The following MALRD1 variants were observed in gnomAD, a reference collection of about 807,000 sequenced individuals.
The protein encoded by MALRD1 is MAM and LDL receptor class A domain containing 1.
Under a neutral mutation model 242.1 loss-of-function variants are expected in MALRD1, and 247 were observed. The ratio of observed to expected loss-of-function variants is 1.02; its 90% CI spans 0.92 to 1.13. MALRD1 has a LOEUF of 1.13. MALRD1 is among the 50% of genes most tolerant of loss of function. The pLI is 0.00. For missense variants in MALRD1, 2,989 were observed against 2,533.1 expected (o/e 1.18, Z -3.86); for synonymous variants, 995 against 866.6 (o/e 1.15, Z -2.60).
chr10:19,103,183 A>C (rs1246365911), intron 4 of MALRD1, among the ~76,000 whole-genome samples: 1 of 152,126 alleles, frequency 6.6e-6, no homozygotes, highest in East Asian at 1.9e-4. Flanking sequence ...TCACAGAACA[A>C]TCATTTCCAG....
intron 33 of MALRD1, among the ~76,000 whole-genome samples, chr10:19,587,552 C>T (rs1837500901): frequency 1.3e-5 from 2 of 152,168 alleles, no homozygotes; most frequent in African/African-American, 2.4e-5. Context: ...AATTCTTGAG[C>T]ACATTTCATT....
At position 19,133,969 on chromosome 10, in the gene MALRD1, G is replaced by A. The variant is rs1833221354; in HGVS notation, c.1203+21G>A. The A allele has an allele frequency of 4.6e-6, 5 of 1,082,254 alleles. No homozygotes were observed. The Admixed American group carries it at 1.3e-4, about 28-fold the overall frequency. 67.0% of individuals were successfully genotyped at this position (1,082,254 alleles called of 1,614,324 possible). ...TTAAGGTATGAAAGAAAAAAAAAAA[G>A]TATTTTTTTATCATGGTTTAAGTTT... is the stretch of plus-strand genomic sequence containing the variant. On this transcript the variant is annotated intron_variant, in intron 9 of 39. Coordinates refer to ENST00000454679, the MANE Select transcript of MALRD1 (RefSeq NM_001142308.3).
chr10:19,160,799 G>A (rs1474681980), intron 12 of MALRD1, among the ~76,000 whole-genome samples: 6 of 106,640 alleles, frequency 5.6e-5, no homozygotes, highest in Admixed American at 1.1e-4. Flanking sequence ...CTGTGGGATC[G>A]GTGGTGATAT....
At chr10:19,449,684 A>AG (rs1231975538) in intron 28 of MALRD1, among the ~76,000 whole-genome samples, 1 of 152,164 alleles carries the variant, frequency 6.6e-6, no homozygotes, top group Non-Finnish European at 1.5e-5. Flanking sequence ...TGAAGAACAA[A>AG]GAGAAGATTG....
intron 24 of MALRD1, among the ~76,000 whole-genome samples, chr10:19,337,342 A>G (rs1843659404): frequency 6.6e-6 from 1 of 152,176 alleles, no homozygotes; most frequent in South Asian, 2.1e-4. Context: ...ATTAAGTAGC[A>G]CAGTAAGGAC....
chr10:19,351,633 T>C (rs1445399889), intron 25 of MALRD1, among the ~76,000 whole-genome samples: 3 of 152,222 alleles, frequency 2.0e-5, no homozygotes, highest in Non-Finnish European at 2.9e-5. Flanking sequence ...TGTTATTTCT[T>C]AATCATGAAA....
intron 5 of MALRD1, among the ~76,000 whole-genome samples, chr10:19,111,879 A>G (rs1257667881): frequency 6.6e-6 from 1 of 152,208 alleles, no homozygotes; most frequent in Non-Finnish European, 1.5e-5. Flanking sequence ...ATGAAGATTA[A>G]TAATAGAGGA....
chr10:19,379,003 C>CT (rs1035936919), intron 26 of MALRD1, among the ~76,000 whole-genome samples: 3 of 151,870 alleles, frequency 2.0e-5, no homozygotes, highest in Middle Eastern at 3.4e-3. Context: ...GGCTGTTCAC[C>CT]TTTTTTTTCC....
chr10:19,622,727 T>C (rs12254837), intron 36 of MALRD1, among the ~76,000 whole-genome samples: 2,101 of 151,266 alleles, frequency 0.014, 46 homozygotes, highest in African/African-American at 0.047. Context: ...GCTTTGTAGC[T>C]CAGTAGTACT....
chr10:19,653,047 C>G (rs987991620), intron 36 of MALRD1, among the ~76,000 whole-genome samples: 3 of 152,084 alleles, frequency 2.0e-5, no homozygotes, highest in African/African-American at 7.2e-5. Context: ...GTATCTGCCT[C>G]TCTTATTCAG....
At chr10:19,701,184 A>G (rs1322854502) in intron 38 of MALRD1, among the ~76,000 whole-genome samples, 1 of 152,030 alleles carries the variant, frequency 6.6e-6, no homozygotes, top group Non-Finnish European at 1.5e-5. Flanking sequence ...AAAAGAGAGA[A>G]AGAGAGAGAG....
At chr10:19,647,411 A>G (rs553772117) in intron 36 of MALRD1, among the ~76,000 whole-genome samples, 3 of 152,332 alleles carry the variant, frequency 2.0e-5, no homozygotes, top group Non-Finnish European at 2.9e-5. Flanking sequence ...TTGGGAGTAC[A>G]TAGCAAGTAG....
chr10:19,566,737 A>G (rs1160534751), intron 32 of MALRD1, among the ~76,000 whole-genome samples: 2 of 151,684 alleles, frequency 1.3e-5, no homozygotes, highest in East Asian at 3.9e-4. Flanking sequence ...ATATTACCAA[A>G]TTATATATAA....
intron 4 of MALRD1, among the ~76,000 whole-genome samples, chr10:19,096,822 C>G (rs191690140): frequency 9.0e-4 from 137 of 152,272 alleles, no homozygotes; most frequent in African/African-American, 3.2e-3. Flanking sequence ...TCCAAATAGG[C>G]GATTTCGGTC....
chr10:19,257,826 C>T, intron 19 of MALRD1, 55 bp downstream of exon 19: 1 of 1,194,088 alleles, frequency 8.4e-7, no homozygotes, highest in Admixed American at 2.8e-5. Context: ...ACTTGGAAAA[C>T]TTGCAAGGAA....
upstream of MALRD1, among the ~76,000 whole-genome samples, chr10:19,048,388 A>T (rs1834392176): frequency 6.6e-6 from 1 of 152,218 alleles, no homozygotes; most frequent in South Asian, 2.1e-4. Flanking sequence ...AAGAAGACAA[A>T]AACAAGCAAG....
At chr10:19,317,042 T>C (rs1012665394) in intron 21 of MALRD1, among the ~76,000 whole-genome samples, 4 of 151,254 alleles carry the variant, frequency 2.6e-5, no homozygotes, top group Admixed American at 1.3e-4. Context: ...TACACACACC[T>C]ACTAGATACA....
intron 38 of MALRD1, among the ~76,000 whole-genome samples, chr10:19,719,235 T>C (rs1380440441): frequency 7.7e-4 from 89 of 116,198 alleles, no homozygotes; most frequent in African/African-American, 2.7e-3. Context: ...TATATATATA[T>C]ATATATATAT....
chr10:19,584,926 A>G (rs921631923), intron 33 of MALRD1, among the ~76,000 whole-genome samples: 12 of 151,970 alleles, frequency 7.9e-5, no homozygotes, highest in Admixed American at 4.6e-4. Flanking sequence ...GGGTGCATAT[A>G]TATTTAGGAT....
Sources: gnomAD v4.1 joint callset for allele counts (sites outside exome capture counted in the v4.1 genomes callset) on GRCh38, gnomAD v4.1.1 for gene constraint, MANE v1.5 for transcripts, NCBI Gene and HGNC (gene_info 2026-07-23, HGNC 2026-07-21) for gene names.